The following ZC3H12B variants were observed in gnomAD, a reference collection of about 807,000 sequenced individuals.
ZC3H12B encodes the protein probable ribonuclease ZC3H12B.
A neutral mutation model predicts 43.9 loss-of-function variants in ZC3H12B; 7 were observed. That is an observed-to-expected ratio of 0.16 (90% CI 0.09 to 0.30). ZC3H12B has a LOEUF of 0.30. Among genes scored for constraint, ZC3H12B ranks in the 10% least tolerant of loss-of-function variants. ZC3H12B has a pLI of 1.00. For synonymous variants in ZC3H12B, 222 were observed against 241.7 expected, an observed-to-expected ratio of 0.92 and a Z score of 0.76; for missense variants, 475 against 670.2, an observed-to-expected ratio of 0.71 and a Z score of 3.22.
At chrX:65,148,865 C>T in the ZC3H12B span, among the ~76,000 whole-genome samples, 1 of 111,844 alleles carries the variant, frequency 8.9e-6, no homozygotes, top group African/African-American at 3.2e-5. Context: ...GGGATAAGCA[C>T]TGGAAAATTT....
the ZC3H12B span, among the ~76,000 whole-genome samples, chrX:65,161,532 C>G: frequency 9.0e-6 from 1 of 111,594 alleles, no homozygotes; most frequent in Non-Finnish European, 1.9e-5. Flanking sequence ...TTCTTTGTCT[C>G]TTTTGATCTT....
chrX:65,456,706 G>A (rs1475779820), intron 3 of ZC3H12B, among the ~76,000 whole-genome samples: 3 of 108,769 alleles, frequency 2.8e-5, no homozygotes, highest in African/African-American at 3.4e-5. Flanking sequence ...GGCCTCCCGA[G>A]GCACCGGGAT....
chrX:65,460,652 C>T (rs1394279714), intron 3 of ZC3H12B, among the ~76,000 whole-genome samples: 1 of 111,609 alleles, frequency 9.0e-6, no homozygotes, highest in East Asian at 2.8e-4. Flanking sequence ...AACTGGCTAG[C>T]CATATGTAGA....
intron 2 of ZC3H12B, among the ~76,000 whole-genome samples, chrX:65,381,223 C>G (rs61216367): frequency 1.8e-5 from 2 of 110,539 alleles, no homozygotes; most frequent in Non-Finnish European, 3.8e-5. Flanking sequence ...CCTCAGCACA[C>G]GTAAAAGAAC....
the ZC3H12B span, among the ~76,000 whole-genome samples, chrX:65,221,686 G>C: frequency 9.1e-6 from 1 of 109,777 alleles, no homozygotes; most frequent in African/African-American, 3.3e-5. Context: ...GAGCAAGATT[G>C]AAATTTTAAT....
the ZC3H12B span, among the ~76,000 whole-genome samples, chrX:65,035,741 G>A: frequency 1.8e-5 from 2 of 111,109 alleles, no homozygotes; most frequent in Admixed American, 1.9e-4. Context: ...TTTCAGTGTT[G>A]TTGCTACTCG....
intron 2 of ZC3H12B, among the ~76,000 whole-genome samples, chrX:65,381,852 A>G (rs2066445016): frequency 1.8e-5 from 2 of 112,156 alleles, no homozygotes; most frequent in Non-Finnish European, 1.9e-5. Context: ...TAGAAAATCT[A>G]GAAGAAATGG....
chrX:65,303,954 G>A, the ZC3H12B span, among the ~76,000 whole-genome samples: 1 of 112,423 alleles, frequency 8.9e-6, no homozygotes, highest in Non-Finnish European at 1.9e-5. Context: ...TTGTTAAAGT[G>A]TCAGTTTTAC....
At chrX:65,303,759 C>A in the ZC3H12B span, among the ~76,000 whole-genome samples, 4 of 112,177 alleles carry the variant, frequency 3.6e-5, no homozygotes, top group African/African-American at 1.3e-4. Flanking sequence ...CAGCAATAAA[C>A]CTTGAGAATT....
At chrX:65,370,340 T>A (rs2066228511) in intron 2 of ZC3H12B, among the ~76,000 whole-genome samples, 2 of 111,646 alleles carry the variant, frequency 1.8e-5, no homozygotes, top group South Asian at 7.7e-4. Context: ...TCTTGTTTAC[T>A]GTGTAAAGTT....
At chrX:65,448,860 G>A (rs1197358067) in intron 3 of ZC3H12B, among the ~76,000 whole-genome samples, 2 of 97,340 alleles carry the variant, frequency 2.1e-5, no homozygotes, top group Non-Finnish European at 4.0e-5. Context: ...AGGAAAGAAG[G>A]GAGGAAGGGA....
the ZC3H12B span, among the ~76,000 whole-genome samples, chrX:65,214,439 C>G: frequency 9.0e-6 from 1 of 111,511 alleles, no homozygotes. Flanking sequence ...TATGTTGTGT[C>G]ATTTCCACAA....
the ZC3H12B span, among the ~76,000 whole-genome samples, chrX:65,280,464 T>G: frequency 8.9e-6 from 1 of 111,856 alleles, no homozygotes; most frequent in Non-Finnish European, 1.9e-5. Flanking sequence ...ACCTGAAAGC[T>G]TTTTCTCTAA....
At chrX:65,103,152 G>A in the ZC3H12B span, among the ~76,000 whole-genome samples, 1 of 111,243 alleles carries the variant, frequency 9.0e-6, no homozygotes, top group South Asian at 3.8e-4. Flanking sequence ...GGAGACCGGG[G>A]CTTATTTCGT....
chrX:65,384,830 T>C (rs1204869223), intron 2 of ZC3H12B, among the ~76,000 whole-genome samples: 1 of 112,227 alleles, frequency 8.9e-6, no homozygotes, highest in Non-Finnish European at 1.9e-5. Context: ...TATTCTATGA[T>C]ATTTGAAACA....
At chrX:65,117,899 G>A in the ZC3H12B span, among the ~76,000 whole-genome samples, 1 of 110,874 alleles carries the variant, frequency 9.0e-6, no homozygotes, top group African/African-American at 3.3e-5. Flanking sequence ...TCTGGAGGGT[G>A]TGTTCTGTTC....
At chrX:65,231,506 A>T in the ZC3H12B span, among the ~76,000 whole-genome samples, 1 of 110,676 alleles carries the variant, frequency 9.0e-6, no homozygotes, top group Admixed American at 9.6e-5. Flanking sequence ...GCGTATCTCA[A>T]TCCTTATCTT....
the ZC3H12B span, among the ~76,000 whole-genome samples, chrX:65,235,739 G>A: frequency 2.7e-5 from 3 of 112,035 alleles, no homozygotes; most frequent in African/African-American, 6.5e-5. Context: ...GCTTCAAGGG[G>A]TGTTACAGCT....
chrX:65,247,238 C>G, the ZC3H12B span, among the ~76,000 whole-genome samples: 1 of 112,115 alleles, frequency 8.9e-6, no homozygotes, highest in Non-Finnish European at 1.9e-5. Flanking sequence ...CAAACAATCA[C>G]AGAGGCTGGT....
Sources: gnomAD v4.1 joint callset for allele counts (sites outside exome capture counted in the v4.1 genomes callset) on GRCh38, gnomAD v4.1.1 for gene constraint, MANE v1.5 for transcripts, NCBI Gene and HGNC (gene_info 2026-07-23, HGNC 2026-07-21) for gene names.